Variants in SLC8A3 observed in about 807,000 individuals in gnomAD.
SLC8A3 encodes solute carrier family 8 member A3.
SLC8A3 carries 37 observed loss-of-function variants against 65.4 expected under a neutral mutation model. The observed-to-expected ratio is 0.57, with a 90% CI of 0.44 to 0.74. The LOEUF (loss-of-function observed/expected upper bound fraction) is 0.74. SLC8A3 is among the 30% of genes least tolerant of loss of function. The probability of loss-of-function intolerance (pLI) is 0.00; values close to 1 mark genes in which losing one functional copy is unlikely to be tolerated. For missense variants in SLC8A3, 1,112 were observed against 1,172.1 expected, an observed-to-expected ratio of 0.95 and a Z score of 0.75; for synonymous variants, 461 against 444.5, an observed-to-expected ratio of 1.04 and a Z score of -0.47.
intron 1 of SLC8A3, among the ~76,000 whole-genome samples, chr14:70,182,474 G>C (rs1477209974): frequency 1.3e-5 from 2 of 152,150 alleles, no homozygotes; most frequent in East Asian, 1.9e-4. Context: ...GAGGTAGTGA[G>C]ACCTAGAGAG....
In SLC8A3 at chr14:70,167,338, A is replaced by G; in HGVS notation, c.1085T>C (p.Met362Thr). ...CTTCAGGATATTGCCTGCACCAGTCATCATACGAGTGGCTTGGATACGGTA... is the reference window on the plus strand; with the variant it reads ...CTTCAGGATATTGCCTGCACCAGTCGTCATACGAGTGGCTTGGATACGGTA... ...AFYRIQATRM[M>T]TGAGNILKKH... The change falls in exon 2 of 7, where the codon ATG becomes ACG. Residue 362 changes from methionine to threonine, a missense_variant. Physicochemically the swap from Met to Thr is moderately conservative, Grantham distance 81 (BLOSUM62 -1). Coordinates refer to ENST00000356921, the MANE Select transcript of SLC8A3 (RefSeq NM_182932.3). 1 of 1,614,180 alleles carries G rather than the reference A, an allele frequency of 6.2e-7. No individual in the cohort carries two copies. The highest frequency in any genetic ancestry group is 8.5e-7 in the Non-Finnish European group (1 of 1,180,034).
chr14:70,093,049 G>T (rs1891911954), intron 2 of SLC8A3, among the ~76,000 whole-genome samples: 1 of 152,204 alleles, frequency 6.6e-6, no homozygotes, highest in Non-Finnish European at 1.5e-5. Context: ...GTGGAATCAG[G>T]AATTGAGGTG....
intron 3 of SLC8A3, among the ~76,000 whole-genome samples, chr14:70,053,187 C>T (rs893384543): frequency 6.6e-6 from 1 of 152,162 alleles, no homozygotes; most frequent in Admixed American, 6.5e-5. Context: ...GGGAGCTGTC[C>T]GTGGTGCTGT....
intron 2 of SLC8A3, among the ~76,000 whole-genome samples, chr14:70,133,840 T>C (rs1408916925): frequency 1.3e-5 from 2 of 152,202 alleles, no homozygotes; most frequent in African/African-American, 2.4e-5. Flanking sequence ...CCTGGTCATG[T>C]TGGGTCAATG....
chr14:70,057,453 G>A (rs1366736724), intron 3 of SLC8A3, among the ~76,000 whole-genome samples: 1 of 152,162 alleles, frequency 6.6e-6, no homozygotes, highest in Non-Finnish European at 1.5e-5. Context: ...TCAGACAAAG[G>A]CAGCTCTTCC....
rs200037310 is a variant in SLC8A3, at chr14:70,070,046, TG to T, written c.1785-9108del. ...CTTGAATGCTAGTGCCAGTCAAGGATGGGGGGCTGGAGTCAAAGTCTAGCGT... is the reference window on the plus strand; with the variant it reads ...CTTGAATGCTAGTGCCAGTCAAGGATGGGGGCTGGAGTCAAAGTCTAGCGT... On this transcript the variant is annotated intron_variant, in intron 2 of 6. Coordinates refer to ENST00000356921, the MANE Select transcript of SLC8A3 (RefSeq NM_182932.3). 6.2e-3 allele frequency among the ~76,000 whole-genome samples: 944 copies of T among 152,110 alleles called. 4 individuals carry two copies. Among genetic ancestry groups the T allele is most frequent in the Non-Finnish European group, 9.0e-3 (609 of 67,970 alleles).
At chr14:70,142,620 C>T (rs888129036) in intron 2 of SLC8A3, among the ~76,000 whole-genome samples, 2 of 152,222 alleles carry the variant, frequency 1.3e-5, no homozygotes, top group African/African-American at 2.4e-5. Context: ...GGGGATCACA[C>T]TTAAGTCCAT....
intron 2 of SLC8A3, among the ~76,000 whole-genome samples, chr14:70,136,801 T>G (rs960124423): frequency 6.6e-6 from 1 of 152,228 alleles, no homozygotes; most frequent in Non-Finnish European, 1.5e-5. Context: ...GCATGGACCA[T>G]TAAAATGGAA....
At chr14:70,188,111 G>T (rs1358373503) in intron 1 of SLC8A3, among the ~76,000 whole-genome samples, 1 of 151,972 alleles carries the variant, frequency 6.6e-6, no homozygotes, top group Non-Finnish European at 1.5e-5. Flanking sequence ...CCCACCCGGC[G>T]GCACCCTCCT....
chr14:70,102,973 T>C (rs1892636977), intron 2 of SLC8A3, among the ~76,000 whole-genome samples: 1 of 151,898 alleles, frequency 6.6e-6, no homozygotes, highest in Non-Finnish European at 1.5e-5. Flanking sequence ...CCAAGTGGAA[T>C]AAATACAAAC....
intron 1 of SLC8A3, among the ~76,000 whole-genome samples, chr14:70,188,152 C>G (rs896508103): frequency 6.6e-5 from 10 of 152,200 alleles, no homozygotes; most frequent in African/African-American, 2.4e-4. Context: ...ATCTGCCCCC[C>G]CAACACTGCA....
chr14:70,118,049 A>G (rs533470950), intron 2 of SLC8A3, among the ~76,000 whole-genome samples: 1 of 152,324 alleles, frequency 6.6e-6, no homozygotes, highest in East Asian at 1.9e-4. Context: ...ATCTGTGAGT[A>G]TAAATACTTC....
At chr14:70,149,849 G>A (rs17765382) in intron 2 of SLC8A3, among the ~76,000 whole-genome samples, 30,517 of 151,884 alleles carry the variant, frequency 0.2, 3,249 homozygotes, top group Middle Eastern at 0.25. Context: ...CGTCCACATC[G>A]GGATGCAGAG....
In SLC8A3 at chr14:70,045,462, CAAT is replaced by C. The variant is rs1488249154; in HGVS notation, c.*482_*484del. The C allele has an allele frequency of 6.5e-6, 1 of 152,778 alleles. No individual in the cohort carries two copies. The highest frequency in any genetic ancestry group is 6.5e-5 in the Admixed American group (1 of 15,294). 9.5% of individuals were successfully genotyped at this position (152,778 alleles called of 1,614,324 possible). A position where few individuals can be genotyped will look rare whatever the true frequency, so the allele number is the denominator to read the frequency against. ...CCTAATGGCAAAACGAAAGCAACCA[CAAT>C]AATGATTACAATGAAAAAAGAACCC... On this transcript the variant is annotated 3_prime_UTR_variant, in exon 7 of 7. Transcript: ENST00000356921.
intron 3 of SLC8A3, among the ~76,000 whole-genome samples, chr14:70,053,630 C>A (rs554390318): frequency 6.6e-6 from 1 of 152,298 alleles, no homozygotes; most frequent in African/African-American, 2.4e-5. Context: ...CCTGTCTAAC[C>A]CCTTGTCTAC....
intron 2 of SLC8A3, among the ~76,000 whole-genome samples, chr14:70,153,906 G>T (rs1201156319): frequency 1.3e-5 from 2 of 152,166 alleles, no homozygotes; most frequent in Non-Finnish European, 2.9e-5. Flanking sequence ...AGCCAGCCTC[G>T]CCCTGTTACC....
In SLC8A3 at chr14:70,167,422, T is replaced by C. The variant is rs1356367687; in HGVS notation, c.1001A>G (p.Gln334Arg). 2.5e-6 allele frequency: 4 copies of C among 1,614,050 alleles called. No homozygotes were observed. In the Admixed American group the frequency reaches 6.7e-5, roughly 27 times the overall value. ...ATAGTAATTGGCCATCTCCACCAGC[T>C]GATCTAAGTCCTTCTCTGGGTGTTT... ...KQKHPEKDLD[Q>R]LVEMANYYAL... Residue 334 changes from glutamine (Q) to arginine (R), a missense_variant, in exon 2 of 7, where the codon CAG becomes CGG. Coordinates refer to ENST00000356921, the MANE Select transcript of SLC8A3 (RefSeq NM_182932.3).
chr14:70,081,443 T>C (rs1264023490), intron 2 of SLC8A3, among the ~76,000 whole-genome samples: 2 of 152,248 alleles, frequency 1.3e-5, no homozygotes, highest in Non-Finnish European at 1.5e-5. Context: ...TTTTCCTATC[T>C]GATTCCTCGA....
chr14:70,084,242 T>C (rs1461607916), intron 2 of SLC8A3, among the ~76,000 whole-genome samples: 1 of 152,246 alleles, frequency 6.6e-6, no homozygotes. Context: ...TTTTCCAAGA[T>C]GGAGGTGGTA....
Sources: gnomAD v4.1 joint callset for allele counts (sites outside exome capture counted in the v4.1 genomes callset) on GRCh38, gnomAD v4.1.1 for gene constraint, MANE v1.5 for transcripts, NCBI Gene and HGNC (gene_info 2026-07-23, HGNC 2026-07-21) for gene names.